Variants in ZFP14 observed in about 807,000 individuals in gnomAD.
ZFP14 encodes zinc finger protein 14 homolog.
A neutral mutation model predicts 54.5 loss-of-function variants in ZFP14; 22 were observed. The ratio of observed to expected loss-of-function variants is 0.40; its 90% confidence interval spans 0.29 to 0.58. ZFP14 has a LOEUF of 0.58. ZFP14 is among the 20% of genes least tolerant of loss of function. The pLI is 0.39. For missense variants in ZFP14, 470 were observed against 637.8 expected, an observed-to-expected ratio of 0.74 and a Z score of 2.83; for synonymous variants, 159 against 204.0, an observed-to-expected ratio of 0.78 and a Z score of 1.88.
intron 1 of ZFP14, among the ~76,000 whole-genome samples, chr19:36,374,213 C>T (rs553214756): frequency 1.6e-4 from 25 of 151,774 alleles, no homozygotes; most frequent in African/African-American, 5.8e-4. Context: ...GAGCTATGGC[C>T]GGGGCAGTGG....
At chr19:36,361,805 G>A (rs1014376208) in intron 3 of ZFP14, among the ~76,000 whole-genome samples, 1 of 152,206 alleles carries the variant, frequency 6.6e-6, no homozygotes, top group Admixed American at 6.5e-5. Context: ...TCTACTTGCA[G>A]ATGGTGTGAA....
rs1463592589 is a variant in ZFP14, at chr19:36,358,118, T to C, written c.235+2317A>G. On this transcript the variant is annotated intron_variant, in intron 4 of 4. Transcript: ENST00000270001. ...ATCTATCTATCTATCTATCTATCTA[T>C]TTTATTTTTTGAGATGGAGTCTTGC... Among the ~76,000 whole-genome samples, 7 of 150,380 alleles carry C rather than the reference T, an allele frequency of 4.7e-5. No homozygotes were observed. The Admixed American group carries it at 4.7e-4, about 10-fold the overall frequency.
At position 36,334,865 on chromosome 19, in the gene ZFP14, A is replaced by G. The variant is rs2031162431; in HGVS notation, c.*5359T>C. The G allele has an allele frequency of 2.7e-5, 4 of 145,858 alleles. No individual in the cohort carries two copies. In the South Asian group the frequency reaches 8.8e-4, roughly 32 times the overall value. 9.0% of individuals were successfully genotyped at this position (145,858 alleles called of 1,614,324 possible). On this transcript the variant is annotated 3_prime_UTR_variant, in exon 5 of 5. Coordinates refer to ENST00000270001, the MANE Select transcript of ZFP14 (RefSeq NM_020917.3). ...GATCATGTATACTTTGAATTCCTCA[A>G]AAGTAGATTTTTATTTTATTTTATT...
chr19:36,359,657 C>A (rs867852746), intron 4 of ZFP14, among the ~76,000 whole-genome samples: 25 of 151,958 alleles, frequency 1.6e-4, no homozygotes, highest in East Asian at 7.7e-4. Flanking sequence ...TCTTATTATT[C>A]TTCTTTTTTG....
chr19:36,373,717 C>G (rs1306622709), intron 1 of ZFP14, among the ~76,000 whole-genome samples: 1 of 151,394 alleles, frequency 6.6e-6, no homozygotes, highest in Admixed American at 6.6e-5. Context: ...AAATGACCAG[C>G]CTGGGCAACA....
At chr19:36,345,156 G>A (rs772269300) in intron 4 of ZFP14, among the ~76,000 whole-genome samples, 4 of 152,138 alleles carry the variant, frequency 2.6e-5, no homozygotes, top group Admixed American at 2.0e-4. Context: ...TTAGCTACTC[G>A]GGAGGCTGAG....
chr19:36,376,684 G>A (rs2031967594), intron 1 of ZFP14, among the ~76,000 whole-genome samples: 1 of 152,128 alleles, frequency 6.6e-6, no homozygotes, highest in Admixed American at 6.5e-5. Flanking sequence ...TGGGTGATGA[G>A]GAAAAATATT....
chr19:36,351,522 T>C (rs1355168157), intron 4 of ZFP14, among the ~76,000 whole-genome samples: 2 of 140,334 alleles, frequency 1.4e-5, no homozygotes, highest in Non-Finnish European at 3.1e-5. Flanking sequence ...AAAAGGCATA[T>C]GACAACAAAT....
rs1304135886 is a variant in ZFP14, at chr19:36,335,271, C to A, written c.*4953G>T. On this transcript the variant is annotated 3_prime_UTR_variant, in exon 5 of 5. Transcript: ENST00000270001. ...AATTAATATTCCTTGAAGCAAACTT[C>A]TGGAGAATGTTGAATTTAGGGGTCA... 2.6e-5 allele frequency: 4 copies of A among 152,080 alleles called. No homozygotes were observed. The highest frequency in any genetic ancestry group is 2.6e-4 in the Admixed American group (4 of 15,274). The allele number at this position is 152,080 out of a possible 1,614,324, so 9.4% of individuals were successfully genotyped here.
At position 36,360,055 on chromosome 19, in the gene ZFP14, A is replaced by G. The variant is rs79576921; in HGVS notation, c.235+380T>C. The stretch of plus-strand genomic sequence containing the variant: ...TCTTTAAAAAGAGAGAATGTAAATT[A>G]CTAGGTGTTTACCATCTTTGCTGAT... On this transcript the variant is annotated intron_variant, in intron 4 of 4. Transcript: ENST00000270001. 761 of 154,522 alleles carry G rather than the reference A, an allele frequency of 4.9e-3. 11 individuals carry two copies. Among genetic ancestry groups the G allele is most frequent in the African/African-American group, 0.018 (731 of 41,696 alleles). The allele number at this position is 154,522 out of a possible 1,614,324, so 9.6% of individuals were successfully genotyped here.
rs1286896027 is a variant in ZFP14, at chr19:36,341,008, C to T, written c.818G>A (p.Arg273Gln). Residue 273 changes from arginine (R) to glutamine (Q), a missense_variant, in exon 5 of 5, where the codon CGA becomes CAA. Transcript: ENST00000270001. The surrounding 1 kb of genome is among the most constrained non-coding windows in gnomAD (Gnocchi z 4.2). ...KAFRVHQQLA[R>Q]HQRIHTGEKP... is the part of the protein sequence containing the mutation. ...CTCACCAGTGTGAATTCTCTGATGTCGAGCCAGTTGCTGATGTACTCTAAA... is the reference window on the plus strand; with the variant it reads ...CTCACCAGTGTGAATTCTCTGATGTTGAGCCAGTTGCTGATGTACTCTAAA... 1.2e-6 allele frequency: 2 copies of T among 1,613,838 alleles called. No homozygotes were observed. Among genetic ancestry groups the T allele is most frequent in the Non-Finnish European group, 8.5e-7 (1 of 1,179,972 alleles).
intron 1 of ZFP14, among the ~76,000 whole-genome samples, chr19:36,369,523 G>A (rs1293912143): frequency 1.3e-5 from 2 of 151,882 alleles, no homozygotes; most frequent in Non-Finnish European, 2.9e-5. Flanking sequence ...CGTTTCTCCT[G>A]CCTCAGTCTT....
rs770957268 is a variant in ZFP14, at chr19:36,341,362, C to CT, written c.463dup (p.Arg155LysfsTer7). The CT allele has an allele frequency of 3.1e-6, 5 of 1,614,092 alleles. No homozygotes were observed. The South Asian group carries it at 5.5e-5, about 18-fold the overall frequency. ...CTGATACTCAGTAAGAAAATTGTGCCTTTTGTAAGTGGTCATTTTTTCAGA... is the reference window on the plus strand; with the variant it reads ...CTGATACTCAGTAAGAAAATTGTGCCTTTTTGTAAGTGGTCATTTTTTCAGA... On this transcript the variant is annotated frameshift_variant, in exon 5 of 5. Transcript: ENST00000270001. LOFTEE classifies it high-confidence loss of function. The surrounding 1 kb of genome is among the most constrained non-coding windows in gnomAD (Gnocchi z 4.2).
At chr19:36,359,860 G>A (rs758967715) in intron 4 of ZFP14, among the ~76,000 whole-genome samples, 22 of 152,050 alleles carry the variant, frequency 1.4e-4, no homozygotes, top group Non-Finnish European at 3.1e-4. Context: ...TTGCTGCGTT[G>A]GCCAGACTGG....
In ZFP14 at chr19:36,350,044, C is replaced by G. The variant is rs1197290096; in HGVS notation, c.236-8454G>C. On this transcript the variant is annotated intron_variant, in intron 4 of 4. Transcript: ENST00000270001. ...TAGCTGGGTGTGGTGGTGCTTGAGC[C>G]CGGGAAGTGGAGTCTGCAGTGAGCT... 1.5e-5 allele frequency among the ~76,000 whole-genome samples: 2 copies of G among 137,610 alleles called. 1 individual carries two copies. Among genetic ancestry groups the G allele is most frequent in the Non-Finnish European group, 3.2e-5 (2 of 62,750 alleles). The allele number at this position is 137,610 out of a possible 152,430, so 90.3% of individuals were successfully genotyped here.
At chr19:36,360,948 T>C (rs1193686794) in intron 3 of ZFP14, among the ~76,000 whole-genome samples, 1 of 152,230 alleles carries the variant, frequency 6.6e-6, no homozygotes, top group Non-Finnish European at 1.5e-5. Context: ...AAGATAATAA[T>C]ATCTTCTCAT....
intron 1 of ZFP14, among the ~76,000 whole-genome samples, chr19:36,374,593 G>A (rs148720055): frequency 1.3e-5 from 2 of 151,792 alleles, no homozygotes; most frequent in African/African-American, 2.4e-5. Context: ...ACCTAATTTC[G>A]GAATGATTCA....
Position 36,340,885 on chromosome 19 carries a change from C to T in ZFP14, c.941G>A (p.Cys314Tyr), listed in dbSNP as rs2031298336. The change falls in exon 5 of 5, where the codon TGT (cysteine) becomes TAT (tyrosine). Residue 314 changes from cysteine (C) to tyrosine (Y), a missense_variant. Coordinates refer to ENST00000270001, the MANE Select transcript of ZFP14 (RefSeq NM_020917.3). This position sits in a 1 kb window ranked among gnomAD's most constrained non-coding sequence, Gnocchi z 5.4. ...TACGAAGGCTTTCCCACATTCCTTA[C>T]ATTCATAGAGCTTTTCAGCAGTATG... Reference protein sequence around the residue: ...RLHTAEKLYECKECGKAFVCG... With the variant: ...RLHTAEKLYEYKECGKAFVCG... The T allele has an allele frequency of 6.2e-7, 1 of 1,614,038 alleles. No homozygotes were observed. The highest frequency in any genetic ancestry group is 8.5e-7 in the Non-Finnish European group (1 of 1,180,012).
chr19:36,347,703 ATTATAT>A (rs2031443905), intron 4 of ZFP14, among the ~76,000 whole-genome samples: 3 of 152,212 alleles, frequency 2.0e-5, no homozygotes, highest in African/African-American at 7.2e-5. Flanking sequence ...AAAGCACTCA[ATTATAT>A]TTAAAGTGGC....
Sources: allele counts gnomAD v4.1 joint callset (sites outside exome capture counted in the v4.1 genomes callset), GRCh38; gene constraint gnomAD v4.1.1; non-coding constraint Gnocchi (gnomAD v3.1); transcripts MANE v1.5; gene names NCBI Gene and HGNC (gene_info 2026-07-23, HGNC 2026-07-21).